Variants in ARHGEF10L observed in about 807,000 individuals in gnomAD.
ARHGEF10L encodes rho guanine nucleotide exchange factor 10-like protein.
In ARHGEF10L, 69 loss-of-function variants were observed where a neutral mutation model predicts 141.2. That is an observed-to-expected ratio of 0.49 (90% CI 0.40 to 0.60). The LOEUF (loss-of-function observed/expected upper bound fraction) is 0.60. Ranked by LOEUF, ARHGEF10L falls within the 20% of genes least tolerant of loss-of-function variation. The pLI is 0.00. For missense variants in ARHGEF10L, 1,482 were observed against 1,734.3 expected, an observed-to-expected ratio of 0.85 and a Z score of 2.58; for synonymous variants, 711 against 718.5, an observed-to-expected ratio of 0.99 and a Z score of 0.17.
chr1:17,573,707 G>T lies in ARHGEF10L; in HGVS notation c.-43-6846G>T, dbSNP rs1165714299. Among the ~76,000 whole-genome samples the T allele has an allele frequency of 1.3e-5, 2 of 151,994 alleles. No homozygotes were observed. Among genetic ancestry groups the T allele is most frequent in the African/African-American group, 4.8e-5 (2 of 41,400 alleles). On this transcript the variant is annotated intron_variant, in intron 1 of 28. Transcript: ENST00000361221. The surrounding 1 kb of genome is among the most constrained non-coding windows in gnomAD (Gnocchi z 4.8). ...GTTTCCCAGGCAACAGCCCCCAGGG[G>T]TCCCCTCTGGCCTGGCCTCAGGGTC...
chr1:17,620,835 G>A (rs2060069441), intron 10 of ARHGEF10L, among the ~76,000 whole-genome samples: 1 of 152,158 alleles, frequency 6.6e-6, no homozygotes, highest in South Asian at 2.1e-4. Context: ...TAACTTTGCT[G>A]CACAATAGAG....
intron 22 of ARHGEF10L, among the ~76,000 whole-genome samples, chr1:17,653,395 C>T (rs1282214193): frequency 2.6e-5 from 4 of 152,206 alleles, no homozygotes; most frequent in Non-Finnish European, 5.9e-5. Flanking sequence ...GAGTATTTTC[C>T]ACCATCTTCG....
Position 17,625,838 on chromosome 1 carries a change from A to T in ARHGEF10L, c.1318-118A>T. The T allele has an allele frequency of 1.2e-6, 1 of 811,714 alleles. No homozygotes were observed. The highest frequency in any genetic ancestry group is 1.6e-5 in the South Asian group (1 of 61,410). 50.3% of individuals were successfully genotyped at this position (811,714 alleles called of 1,614,324 possible). A position where few individuals can be genotyped will look rare whatever the true frequency, so the allele number is the denominator to read the frequency against. On this transcript the variant is annotated intron_variant, in intron 13 of 28. Transcript: ENST00000361221. The surrounding 1 kb of genome is among the most constrained non-coding windows in gnomAD (Gnocchi z 4.5). ...CTCAGCTCTTCTTGCAAGCCCAGGG[A>T]TAGGCAGGGTCTTAGGGCCTGGGGA... is the stretch of plus-strand genomic sequence containing the variant.
chr1:17,573,461 A>AG lies in ARHGEF10L; in HGVS notation c.-43-7086dup, dbSNP rs1420956615. ...GAGGGTCTGGGGTTCTCTGGAGAAG[A>AG]GGGGGGTCAGTTCAGCTGATGGCAG... On this transcript the variant is annotated intron_variant, in intron 1 of 28. Transcript: ENST00000361221. This position sits in a 1 kb window ranked among gnomAD's most constrained non-coding sequence, Gnocchi z 4.8. 6.6e-6 allele frequency among the ~76,000 whole-genome samples: 1 copy of AG among 152,108 alleles called. No homozygotes were observed. Among genetic ancestry groups the AG allele is most frequent in the South Asian group, 2.1e-4 (1 of 4,816 alleles).
At chr1:17,527,926 T>G in the ARHGEF10L span, among the ~76,000 whole-genome samples, 1 of 150,828 alleles carries the variant, frequency 6.6e-6, no homozygotes, top group Non-Finnish European at 1.5e-5. Context: ...TGGAATGCAG[T>G]GGCATGATCT....
At chr1:17,585,662 T>C (rs1331712299) in intron 2 of ARHGEF10L, among the ~76,000 whole-genome samples, 1 of 152,158 alleles carries the variant, frequency 6.6e-6, no homozygotes, top group Non-Finnish European at 1.5e-5. Context: ...GCCCCCAAAA[T>C]ATTATGCTCT....
Position 17,664,523 on chromosome 1 carries a change from C to T in ARHGEF10L, c.2937C>T (p.Ser979=), listed in dbSNP as rs752772412. Residue 979 remains serine, a synonymous_variant, in exon 26 of 29, where the codon AGC becomes AGT. Coordinates refer to ENST00000361221, the MANE Select transcript of ARHGEF10L (RefSeq NM_018125.4). The part of the protein sequence containing the change: ...VGPGPVRTLL[S]LEDAVWASCG... ...CCGGGCCTGTCCGCACCCTGTTGAG[C>T]CTGGAGGATGCCGTGTGGGCCAGCT... 5 of 1,608,380 alleles carry T rather than the reference C, an allele frequency of 3.1e-6. No individual in the cohort carries two copies. The African/African-American group carries it at 4.0e-5, about 13-fold the overall frequency.
intron 25 of ARHGEF10L, among the ~76,000 whole-genome samples, chr1:17,659,420 C>T (rs1173988493): frequency 6.6e-6 from 1 of 152,204 alleles, no homozygotes; most frequent in Admixed American, 6.5e-5. Flanking sequence ...ACCTGGATTA[C>T]ATGCGGCCAG....
At chr1:17,661,634 G>A (rs898282549) in intron 25 of ARHGEF10L, among the ~76,000 whole-genome samples, 7 of 152,170 alleles carry the variant, frequency 4.6e-5, no homozygotes, top group Non-Finnish European at 7.4e-5. Flanking sequence ...AGTTTTGGGG[G>A]GGTGTTTTCT....
chr1:17,640,741 A>G (rs1177455330), intron 21 of ARHGEF10L, among the ~76,000 whole-genome samples: 1 of 152,146 alleles, frequency 6.6e-6, no homozygotes. Context: ...TGGTAACTGG[A>G]TTGTATCTCA....
At chr1:17,525,593 A>G in the ARHGEF10L span, among the ~76,000 whole-genome samples, 4 of 152,314 alleles carry the variant, frequency 2.6e-5, no homozygotes, top group East Asian at 1.9e-4. Context: ...CAGAAGTTCA[A>G]GGCTGCAGTG....
At chr1:17,526,673 G>A in the ARHGEF10L span, among the ~76,000 whole-genome samples, 2 of 152,198 alleles carry the variant, frequency 1.3e-5, no homozygotes, top group African/African-American at 2.4e-5. Flanking sequence ...GGAGGCCGAG[G>A]TGGGCAGATT....
Position 17,697,053 on chromosome 1 carries a change from C to G in ARHGEF10L, c.3513C>G (p.Ile1171Met). The change falls in exon 29 of 29, where the codon ATC becomes ATG. Residue 1171 changes from isoleucine (I) to methionine (M), a missense_variant. Around this residue, in one of 3 missense-constraint regions of ARHGEF10L, gnomAD observed 858 missense variants for 966.3 expected, o/e 0.89. Coordinates refer to ENST00000361221, the MANE Select transcript of ARHGEF10L (RefSeq NM_018125.4). This position sits in a 1 kb window ranked among gnomAD's most constrained non-coding sequence, Gnocchi z 4.8. ...GAGAGCTGACCCGCAAGAAGGGCAT[C>G]CTCTTGCAGTACCGCCTGCGCTCCA... Reference protein sequence around the residue: ...VGRELTRKKGILLQYRLRSTA... With the variant: ...VGRELTRKKGMLLQYRLRSTA... 1 of 1,603,868 alleles carries G rather than the reference C, an allele frequency of 6.2e-7. No individual in the cohort carries two copies. The highest frequency in any genetic ancestry group is 8.5e-7 in the Non-Finnish European group (1 of 1,174,184).
intron 1 of ARHGEF10L, among the ~76,000 whole-genome samples, chr1:17,557,527 C>G (rs183521541): frequency 6.6e-6 from 1 of 152,264 alleles, no homozygotes; most frequent in Non-Finnish European, 1.5e-5. Flanking sequence ...GTCAGAATTG[C>G]CAGGAAGCTT....
chr1:17,658,156 C>T (rs1452219738), intron 25 of ARHGEF10L, among the ~76,000 whole-genome samples: 1 of 152,212 alleles, frequency 6.6e-6, no homozygotes, highest in Non-Finnish European at 1.5e-5. Flanking sequence ...GTGCAAATTT[C>T]ACTTTTTTAT....
intron 27 of ARHGEF10L, among the ~76,000 whole-genome samples, chr1:17,688,950 A>G (rs2064843882): frequency 6.6e-6 from 1 of 152,082 alleles, no homozygotes; most frequent in East Asian, 1.9e-4. Context: ...GGCAGTCACA[A>G]TGGTGTAATA....
chr1:17,672,956 C>T (rs2063415712), intron 26 of ARHGEF10L, among the ~76,000 whole-genome samples: 2 of 152,122 alleles, frequency 1.3e-5, no homozygotes, highest in African/African-American at 4.8e-5. Context: ...AGGCCCCTCT[C>T]TCCTCACCTG....
At chr1:17,575,502 A>G (rs1427255470) in intron 1 of ARHGEF10L, among the ~76,000 whole-genome samples, 3 of 152,240 alleles carry the variant, frequency 2.0e-5, no homozygotes, top group East Asian at 1.9e-4. Flanking sequence ...GGAGATGTCA[A>G]ACAGGTCAGG....
At chr1:17,613,791 C>G (rs2059664320) in intron 8 of ARHGEF10L, among the ~76,000 whole-genome samples, 1 of 152,220 alleles carries the variant, frequency 6.6e-6, no homozygotes, top group Admixed American at 6.5e-5. Flanking sequence ...CTTTCGAGGT[C>G]TGTGGGCCTG....
Sources: allele counts gnomAD v4.1 joint callset (sites outside exome capture counted in the v4.1 genomes callset), GRCh38; gene constraint gnomAD v4.1.1; regional missense constraint gnomAD v4.1.1; non-coding constraint Gnocchi (gnomAD v3.1); transcripts MANE v1.5; gene names NCBI Gene and HGNC (gene_info 2026-07-23, HGNC 2026-07-21).